ASTN2: variants seen among roughly 807,000 people sequenced by gnomAD.
ASTN2 encodes astrotactin 2, also known as astrotactin-2.
Under a neutral mutation model 139.8 loss-of-function variants are expected in ASTN2, and 54 were observed. That is an observed-to-expected ratio of 0.39 (90% confidence interval 0.31 to 0.48). The LOEUF (loss-of-function observed/expected upper bound fraction) is 0.48. Ranked by LOEUF, ASTN2 falls within the 20% of genes least tolerant of loss-of-function variation. ASTN2 has a pLI of 0.95. For missense variants in ASTN2, 1,565 were observed against 1,725.1 expected, an observed-to-expected ratio of 0.91 and a Z score of 1.64; for synonymous variants, 756 against 719.5, an observed-to-expected ratio of 1.05 and a Z score of -0.81.
chr9:117,037,291 C>T (rs1007491561), intron 6 of ASTN2, among the ~76,000 whole-genome samples: 1 of 151,444 alleles, frequency 6.6e-6, no homozygotes, highest in Non-Finnish European at 1.5e-5. Flanking sequence ...GTCTATCCTT[C>T]CAAATCATCA....
At chr9:117,182,404 C>A (rs892528007) in intron 3 of ASTN2, among the ~76,000 whole-genome samples, 1 of 151,998 alleles carries the variant, frequency 6.6e-6, no homozygotes, top group Non-Finnish European at 1.5e-5. Flanking sequence ...ACTTTATATA[C>A]CACTGATCTG....
At chr9:117,043,874 C>T (rs1156640606) in intron 5 of ASTN2, among the ~76,000 whole-genome samples, 1 of 145,704 alleles carries the variant, frequency 6.9e-6, no homozygotes, top group Non-Finnish European at 1.5e-5. Context: ...CACCATTGCA[C>T]TCCAGCTTGG....
intron 19 of ASTN2, among the ~76,000 whole-genome samples, chr9:116,617,786 T>C (rs553722883): frequency 6.6e-5 from 10 of 152,326 alleles, no homozygotes; most frequent in African/African-American, 1.9e-4. Context: ...TTCTTGGCAG[T>C]GTCAAAATTT....
intron 1 of ASTN2, among the ~76,000 whole-genome samples, chr9:117,320,812 T>C (rs1196175532): frequency 6.6e-6 from 1 of 152,232 alleles, no homozygotes; most frequent in African/African-American, 2.4e-5. Flanking sequence ...CCCCACCTGA[T>C]CATGCTGCAT....
At chr9:117,187,178 G>C (rs1831221405) in intron 3 of ASTN2, among the ~76,000 whole-genome samples, 1 of 152,248 alleles carries the variant, frequency 6.6e-6, no homozygotes, top group Non-Finnish European at 1.5e-5. Context: ...AGAACACAGT[G>C]TGGTGCATGT....
rs1266295575 is a variant in ASTN2 at position 117,414,099 on chromosome 9, G to A, written c.442+398C>T. On this transcript the variant is annotated intron_variant, in intron 1 of 22. Coordinates refer to ENST00000313400, the MANE Select transcript of ASTN2 (RefSeq NM_001365068.1). This position sits in a 1 kb window ranked among gnomAD's most constrained non-coding sequence, Gnocchi z 4.2. ...GAGCGAGGGGGCGGTGACGGCGGGTGGCCAGTGACGGTACCCGGAGAAGTG... is the reference window on the plus strand; with the variant it reads ...GAGCGAGGGGGCGGTGACGGCGGGTAGCCAGTGACGGTACCCGGAGAAGTG... Among the ~76,000 whole-genome samples the A allele has an allele frequency of 1.3e-5, 2 of 151,986 alleles. No homozygotes were observed. The highest frequency in any genetic ancestry group is 4.8e-5 in the African/African-American group (2 of 41,384).
At chr9:117,220,342 G>A (rs1164294685) in intron 2 of ASTN2, among the ~76,000 whole-genome samples, 1 of 151,988 alleles carries the variant, frequency 6.6e-6, no homozygotes, top group East Asian at 1.9e-4. Context: ...GAGTCACCCT[G>A]GGCAGTTGGC....
intron 12 of ASTN2, among the ~76,000 whole-genome samples, chr9:116,818,589 G>A (rs374042724): frequency 1.3e-5 from 2 of 152,146 alleles, no homozygotes; most frequent in Non-Finnish European, 1.5e-5. Flanking sequence ...TCTTTAAGAC[G>A]CTCACAGTCC....
intron 22 of ASTN2, among the ~76,000 whole-genome samples, chr9:116,439,061 TTC>T (rs1847748130): frequency 2.6e-5 from 4 of 152,310 alleles, no homozygotes; most frequent in Admixed American, 2.6e-4. Context: ...CAACATTGTT[TTC>T]TGTTTTTTGT....
chr9:117,277,645 T>C (rs1834226365), intron 2 of ASTN2, among the ~76,000 whole-genome samples: 1 of 152,174 alleles, frequency 6.6e-6, no homozygotes. Flanking sequence ...GAGAAAATAA[T>C]ATCAGGCAAT....
At position 117,279,707 on chromosome 9, in the gene ASTN2, A is replaced by G. The variant is rs189767815; in HGVS notation, c.630+11619T>C. Among the ~76,000 whole-genome samples the G allele has an allele frequency of 2.5e-3, 385 of 152,290 alleles. 3 individuals are homozygous for G. Among genetic ancestry groups the G allele is most frequent in the Non-Finnish European group, 4.3e-3 (295 of 68,028 alleles). ...TGTACTCTTCACTCAGCTTCCCCCAATGTCAACATTTTTCATAACTATAAT... is the reference window on the plus strand; with the variant it reads ...TGTACTCTTCACTCAGCTTCCCCCAGTGTCAACATTTTTCATAACTATAAT... On this transcript the variant is annotated intron_variant, in intron 2 of 22. Coordinates refer to ENST00000313400, the MANE Select transcript of ASTN2 (RefSeq NM_001365068.1).
intron 5 of ASTN2, among the ~76,000 whole-genome samples, chr9:117,051,519 T>C (rs1587905919): frequency 6.6e-6 from 1 of 152,094 alleles, no homozygotes; most frequent in African/African-American, 2.4e-5. Context: ...CAAAAGAAAA[T>C]CTATTCCTAC....
chr9:117,325,559 C>T (rs1828486681), intron 1 of ASTN2, among the ~76,000 whole-genome samples: 1 of 152,158 alleles, frequency 6.6e-6, no homozygotes, highest in Non-Finnish European at 1.5e-5. Context: ...CAGCAGACTC[C>T]TAAATGATGA....
At chr9:117,274,016 T>G (rs778865340) in intron 2 of ASTN2, among the ~76,000 whole-genome samples, 1 of 152,122 alleles carries the variant, frequency 6.6e-6, no homozygotes, top group Non-Finnish European at 1.5e-5. Context: ...TTATCTCCCA[T>G]GGTTATGGGC....
chr9:116,652,218 C>T (rs1248583809), intron 16 of ASTN2, among the ~76,000 whole-genome samples: 1 of 151,896 alleles, frequency 6.6e-6, no homozygotes, highest in Non-Finnish European at 1.5e-5. Context: ...CCCAGCTACT[C>T]GGGAGGCTGA....
intron 6 of ASTN2, among the ~76,000 whole-genome samples, chr9:117,013,484 ATATT>A (rs771483632): frequency 1.4e-3 from 134 of 93,994 alleles, no homozygotes; most frequent in Middle Eastern, 5.5e-3. Context: ...ATATATATAT[ATATT>A]TTTTTTTTTC....
intron 12 of ASTN2, 73 bp downstream of exon 12, chr9:116,820,544 G>T: frequency 6.5e-7 from 1 of 1,537,502 alleles, no homozygotes; most frequent in Non-Finnish European, 8.8e-7. Flanking sequence ...CTGAGCTGTA[G>T]TGTCTGATCA....
intron 1 of ASTN2, among the ~76,000 whole-genome samples, chr9:117,340,331 CAAAAAAAAAAAAAAAA>C (rs56228779): frequency 5.0e-5 from 2 of 40,190 alleles, no homozygotes; most frequent in Non-Finnish European, 8.3e-5. Flanking sequence ...GACTCAGTCT[CAAAAAAAAAAAAAAAA>C]AAAAAAAAAA....
chr9:117,326,006 C>G (rs1265958001), intron 1 of ASTN2, among the ~76,000 whole-genome samples: 1 of 152,108 alleles, frequency 6.6e-6, no homozygotes, highest in Non-Finnish European at 1.5e-5. Flanking sequence ...GTGGGGCATT[C>G]TCATCCCTTT....
Sources: gnomAD v4.1 joint callset for allele counts (sites outside exome capture counted in the v4.1 genomes callset) on GRCh38, gnomAD v4.1.1 for gene constraint, Gnocchi (gnomAD v3.1) non-coding constraint, MANE v1.5 for transcripts, NCBI Gene and HGNC (gene_info 2026-07-23, HGNC 2026-07-21) for gene names.